MAP3K15: variants seen among roughly 807,000 people sequenced by gnomAD.
The protein encoded by MAP3K15 is MAPK/ERK kinase kinase 15.
MAP3K15 carries 124 observed loss-of-function variants against 99.5 expected under a neutral mutation model. The observed-to-expected ratio is 1.25, with a 90% CI of 1.08 to 1.45. MAP3K15 has a LOEUF of 1.45. Ranked by LOEUF, MAP3K15 falls within the 40% of genes most tolerant of loss-of-function variation. MAP3K15 has a pLI of 0.00. For missense variants in MAP3K15, 1,242 were observed against 1,079.7 expected (o/e 1.15, Z -2.11); for synonymous variants, 494 against 439.6 (o/e 1.12, Z -1.55).
intron 3 of MAP3K15, among the ~76,000 whole-genome samples, chrX:19,466,472 C>T (rs1454919809): frequency 7.2e-5 from 8 of 111,435 alleles, no homozygotes; most frequent in East Asian, 5.7e-4. Context: ...CTTCCCCCTT[C>T]GCTAGGCACT....
intron 3 of MAP3K15, among the ~76,000 whole-genome samples, chrX:19,479,337 C>T (rs1273239728): frequency 9.0e-6 from 1 of 110,998 alleles, no homozygotes; most frequent in East Asian, 2.8e-4. Flanking sequence ...GCCATTTCAT[C>T]CCAACCCAAG....
intron 1 of MAP3K15, among the ~76,000 whole-genome samples, chrX:19,492,482 C>T (rs1057187322): frequency 9.0e-6 from 1 of 111,299 alleles, no homozygotes; most frequent in East Asian, 2.8e-4. Context: ...AGGTCATCTA[C>T]TAATGAAAGG....
intron 3 of MAP3K15, among the ~76,000 whole-genome samples, chrX:19,482,525 T>C (rs1052891989): frequency 8.9e-6 from 1 of 111,932 alleles, no homozygotes; most frequent in South Asian, 3.7e-4. Context: ...ATGGTTCCTT[T>C]CACATGAGAA....
At chrX:19,391,446 G>A (rs2063525980) in intron 18 of MAP3K15, among the ~76,000 whole-genome samples, 1 of 110,221 alleles carries the variant, frequency 9.1e-6, no homozygotes, top group African/African-American at 3.3e-5. Flanking sequence ...GGGAGGCTGA[G>A]GTGGGCGAAT....
intron 7 of MAP3K15, among the ~76,000 whole-genome samples, chrX:19,430,635 C>T (rs2063873497): frequency 9.0e-6 from 1 of 111,254 alleles, no homozygotes; most frequent in Non-Finnish European, 1.9e-5. Context: ...TCTGCTCAAA[C>T]CCTCCATTTG....
At chrX:19,496,597 C>T (rs1415396921) in intron 1 of MAP3K15, 1 of 111,233 alleles carries the variant, frequency 9.0e-6, no homozygotes, top group African/African-American at 3.3e-5. Context: ...TGATGTACTC[C>T]AGCCACACGC....
chrX:19,360,860 G>A, intron 28 of MAP3K15, 27 bp from the exon 29 acceptor site: 1 of 1,110,297 alleles, frequency 9.0e-7, no homozygotes, highest in Non-Finnish European at 1.2e-6. Context: ...GCTGTCTTCA[G>A]AGTCAGTGCT....
At chrX:19,469,203 T>C (rs1253312312) in intron 3 of MAP3K15, among the ~76,000 whole-genome samples, 168 of 111,098 alleles carry the variant, frequency 1.5e-3, no homozygotes, top group African/African-American at 5.4e-3. Context: ...AAAACAGAGA[T>C]ATAGACCAAT....
At chrX:19,391,850 T>C (rs1258611706) in intron 18 of MAP3K15, 152 bp downstream of exon 18, 2 of 415,677 alleles carry the variant, frequency 4.8e-6, no homozygotes, top group Non-Finnish European at 8.4e-6. Context: ...TAAAACAATT[T>C]GAAGTTGGGG....
At chrX:19,412,914 A>AT (rs1355619084) in intron 11 of MAP3K15, among the ~76,000 whole-genome samples, 1 of 108,371 alleles carries the variant, frequency 9.2e-6, no homozygotes, top group Non-Finnish European at 1.9e-5. Context: ...TTTTAAATTT[A>AT]TTTTTTATAG....
At position 19,361,370 on chromosome X, in the gene MAP3K15, T is replaced by G. The variant is rs150957359; in HGVS notation, c.3826A>C (p.Thr1276Pro). ...CGAAGGTATCTTAGATCTTCCTTAG[T>G]GATCTCATTAAGAATATCCGAAAGT... The part of the protein sequence containing the change: ...YTLSDILNEI[T>P]KEDLRYLRLR... The change falls in exon 28 of 29, where the codon ACT becomes CCT. Residue 1276 changes from threonine to proline, a missense_variant. Transcript: ENST00000338883. 80 of 1,208,418 alleles carry G rather than the reference T, an allele frequency of 6.6e-5. No homozygotes were observed. Among genetic ancestry groups the G allele is most frequent in the Non-Finnish European group, 7.8e-5 (70 of 893,323 alleles).
chrX:19,448,588 G>A (rs2064018395), intron 6 of MAP3K15, among the ~76,000 whole-genome samples: 1 of 109,306 alleles, frequency 9.1e-6, no homozygotes, highest in African/African-American at 3.3e-5. Context: ...AATTATACAT[G>A]AGAAAAACAT....
chrX:19,372,631 G>A, intron 22 of MAP3K15, 22 bp downstream of exon 22: 1 of 1,185,982 alleles, frequency 8.4e-7, no homozygotes, highest in Non-Finnish European at 1.1e-6. Context: ...GGAAGAGTCG[G>A]TGCCCTCCCT....
At chrX:19,501,794 G>A (rs1455569041) in intron 1 of MAP3K15, among the ~76,000 whole-genome samples, 3 of 112,111 alleles carry the variant, frequency 2.7e-5, no homozygotes, top group East Asian at 5.6e-4. Flanking sequence ...GGCTGGGTGC[G>A]GTGCCTTATG....
intron 6 of MAP3K15, among the ~76,000 whole-genome samples, chrX:19,432,492 T>C (rs543760010): frequency 2.0e-5 from 2 of 101,508 alleles, no homozygotes; most frequent in African/African-American, 7.3e-5. Context: ...GAGGCAGAGG[T>C]GGCAGTGAGC....
Position 19,464,167 on chromosome X carries a change from C to T in MAP3K15, c.719+46G>A, listed in dbSNP as rs777726021. On this transcript the variant is annotated intron_variant, in intron 4 of 28. Transcript: ENST00000338883. The stretch of plus-strand genomic sequence containing the variant: ...ACCGCTTCCCTGAAAGAAATGGGGA[C>T]ATCTTGGTGAGTCTCCAGGGGTTAC... The T allele has an allele frequency of 2.8e-6, 3 of 1,058,857 alleles. No homozygotes were observed. In the African/African-American group the frequency reaches 5.6e-5, roughly 20 times the overall value. 87.3% of individuals were successfully genotyped at this position (1,058,857 alleles called of 1,213,427 possible).
chrX:19,455,131 T>C (rs1218737459), intron 6 of MAP3K15, among the ~76,000 whole-genome samples: 3 of 110,742 alleles, frequency 2.7e-5, no homozygotes, highest in Non-Finnish European at 5.7e-5. Context: ...GTTCTCAGTG[T>C]TGGAGACCCC....
At chrX:19,405,992 A>C (rs1246626017) in intron 13 of MAP3K15, among the ~76,000 whole-genome samples, 1 of 112,464 alleles carries the variant, frequency 8.9e-6, no homozygotes, top group Non-Finnish European at 1.9e-5. Context: ...CAATAAGCAC[A>C]TGAAATGATG....
At chrX:19,367,892 G>C (rs1397799153) in intron 25 of MAP3K15, among the ~76,000 whole-genome samples, 2 of 105,548 alleles carry the variant, frequency 1.9e-5, no homozygotes, top group Non-Finnish European at 3.9e-5. Flanking sequence ...GGGATTACAG[G>C]CAAGTTCCAC....
Sources: allele counts gnomAD v4.1 joint callset (sites outside exome capture counted in the v4.1 genomes callset), GRCh38; gene constraint gnomAD v4.1.1; transcripts MANE v1.5; gene names NCBI Gene and HGNC (gene_info 2026-07-23, HGNC 2026-07-21).